Variants in ABCA13 observed in about 807,000 individuals in gnomAD.
ABCA13 encodes ATP binding cassette subfamily A member 13.
In ABCA13, 476 loss-of-function variants were observed where a neutral mutation model predicts 478.7. The ratio of observed to expected loss-of-function variants is 0.99; its 90% CI spans 0.92 to 1.07. The LOEUF is 1.07. ABCA13 is among the 50% of genes least tolerant of loss of function. ABCA13 has a pLI of 0.00. For missense variants in ABCA13, 6,060 were observed against 5,910.6 expected, an observed-to-expected ratio of 1.03 and a Z score of -0.83; for synonymous variants, 2,252 against 2,158.9, an observed-to-expected ratio of 1.04 and a Z score of -1.20.
intron 43 of ABCA13, 54 bp from the exon 44 acceptor site, chr7:48,466,902 T>C (rs756606915): frequency 3.8e-6 from 6 of 1,561,414 alleles, no homozygotes; most frequent in African/African-American, 2.7e-5. Flanking sequence ...CCATTCTCTG[T>C]TGGGAGCCAC....
At chr7:48,417,431 T>C (rs960500732) in intron 41 of ABCA13, among the ~76,000 whole-genome samples, 1 of 152,296 alleles carries the variant, frequency 6.6e-6, no homozygotes, top group Middle Eastern at 3.4e-3. Context: ...ACAAGAACAT[T>C]GACACTTGCA....
chr7:48,454,223 A>G (rs1825374758), intron 42 of ABCA13, among the ~76,000 whole-genome samples: 1 of 152,172 alleles, frequency 6.6e-6, no homozygotes, highest in African/African-American at 2.4e-5. Flanking sequence ...GACGTCGTTT[A>G]AGACTGCAGT....
chr7:48,249,770 GT>G (rs1792255347), intron 15 of ABCA13, among the ~76,000 whole-genome samples: 1 of 152,178 alleles, frequency 6.6e-6, no homozygotes, highest in African/African-American at 2.4e-5. Context: ...AACACAAACT[GT>G]TTTTCTCTAT....
intron 55 of ABCA13, among the ~76,000 whole-genome samples, chr7:48,575,830 C>G (rs1788120288): frequency 6.6e-6 from 1 of 152,080 alleles, no homozygotes; most frequent in African/African-American, 2.4e-5. Context: ...TTAGATCCCT[C>G]AGAGATTTGA....
At chr7:48,336,531 C>T (rs1157701753) in intron 28 of ABCA13, among the ~76,000 whole-genome samples, 3 of 151,936 alleles carry the variant, frequency 2.0e-5, no homozygotes, top group African/African-American at 7.3e-5. Context: ...CAGATAAGGC[C>T]GAGAGGGAGT....
intron 42 of ABCA13, among the ~76,000 whole-genome samples, chr7:48,447,168 T>C (rs1824411353): frequency 6.6e-6 from 1 of 152,190 alleles, no homozygotes; most frequent in Non-Finnish European, 1.5e-5. Flanking sequence ...AATGCAGTCA[T>C]TGCCTCAAAA....
chr7:48,325,574 A>C (rs74565959), intron 27 of ABCA13, among the ~76,000 whole-genome samples: 1 of 151,962 alleles, frequency 6.6e-6, no homozygotes. Flanking sequence ...TGGCATCTGC[A>C]TTTTTTTGCT....
chr7:48,280,070 T>C (rs1310038273), intron 18 of ABCA13, 150 bp downstream of exon 18: 1 of 735,972 alleles, frequency 1.4e-6, no homozygotes, highest in East Asian at 3.2e-5. Context: ...CATAGAGCAA[T>C]TCAGGTCCAG....
At chr7:48,532,749 G>A (rs1833323150) in intron 55 of ABCA13, among the ~76,000 whole-genome samples, 1 of 151,948 alleles carries the variant, frequency 6.6e-6, no homozygotes, top group Non-Finnish European at 1.5e-5. Flanking sequence ...TATATTTCCA[G>A]GAATTTATTC....
chr7:48,261,612 T>C (rs1365406655), intron 15 of ABCA13, among the ~76,000 whole-genome samples: 1 of 152,004 alleles, frequency 6.6e-6, no homozygotes, highest in Non-Finnish European at 1.5e-5. Flanking sequence ...TTAAAGATTT[T>C]TTAAATCATA....
At chr7:48,307,001 G>A (rs529158286) in intron 23 of ABCA13, among the ~76,000 whole-genome samples, 3 of 152,196 alleles carry the variant, frequency 2.0e-5, no homozygotes, top group Admixed American at 6.5e-5. Context: ...CAGGTAGTCC[G>A]CAGATGTGAG....
intron 42 of ABCA13, among the ~76,000 whole-genome samples, chr7:48,451,787 G>A (rs1825071007): frequency 6.6e-6 from 1 of 152,166 alleles, no homozygotes; most frequent in African/African-American, 2.4e-5. Context: ...TCTCATAGGT[G>A]TTAATGTTTG....
intron 55 of ABCA13, among the ~76,000 whole-genome samples, chr7:48,548,722 T>G (rs1046298496): frequency 6.6e-6 from 1 of 151,748 alleles, no homozygotes; most frequent in Non-Finnish European, 1.5e-5. Context: ...AGACCTTATC[T>G]CCCTTTCAGC....
chr7:48,450,289 A>G (rs1364887103), intron 42 of ABCA13, among the ~76,000 whole-genome samples: 3 of 152,364 alleles, frequency 2.0e-5, no homozygotes, highest in African/African-American at 7.2e-5. Flanking sequence ...TCATAAAATC[A>G]TGCTTTATTT....
rs536901088 is a variant in ABCA13 at position 48,225,091 on chromosome 7, G to A, written c.469-2171G>A. Among the ~76,000 whole-genome samples the A allele has an allele frequency of 7.4e-4, 113 of 151,886 alleles. 1 individual carries two copies. Among genetic ancestry groups the A allele is most frequent in the African/African-American group, 2.6e-3 (107 of 41,390 alleles). ...CTCCCTAAATACTGGGATTATAGGC[G>A]TTAATCACCATGCGTGCGTGCCTGC... On this transcript the variant is annotated intron_variant, in intron 5 of 61. Transcript: ENST00000435803.
intron 44 of ABCA13, among the ~76,000 whole-genome samples, chr7:48,469,099 G>A (rs187830408): frequency 6.6e-6 from 1 of 152,262 alleles, no homozygotes; most frequent in East Asian, 1.9e-4. Flanking sequence ...TCTTGTTAAT[G>A]GTTTAGTACA....
In ABCA13 at chr7:48,259,310, A is replaced by C. The variant is rs1793843633; in HGVS notation, c.2006-9670A>C. Among the ~76,000 whole-genome samples, 3 of 152,178 alleles carry C rather than the reference A, an allele frequency of 2.0e-5. No individual in the cohort carries two copies. In the South Asian group the frequency reaches 6.2e-4, roughly 32 times the overall value. ...TGTGTTGGATGCATATATATGTAGGATAGCTAGGTCTTCTTGTTGGATTGA... is the reference window on the plus strand; with the variant it reads ...TGTGTTGGATGCATATATATGTAGGCTAGCTAGGTCTTCTTGTTGGATTGA... On this transcript the variant is annotated intron_variant, in intron 15 of 61. Coordinates refer to ENST00000435803, the MANE Select transcript of ABCA13 (RefSeq NM_152701.5).
At chr7:48,329,952 TCTATC>T (rs1211174251) in intron 27 of ABCA13, among the ~76,000 whole-genome samples, 4 of 152,010 alleles carry the variant, frequency 2.6e-5, no homozygotes, top group Admixed American at 6.5e-5. Flanking sequence ...CATCTAGCCT[TCTATC>T]CATCCATCTA....
At chr7:48,246,934 C>T (rs1791783604) in intron 13 of ABCA13, among the ~76,000 whole-genome samples, 1 of 151,804 alleles carries the variant, frequency 6.6e-6, no homozygotes, top group African/African-American at 2.4e-5. Flanking sequence ...GCTAAGCAGG[C>T]AGAAAATTAT....
Sources: gnomAD v4.1 joint callset for allele counts (sites outside exome capture counted in the v4.1 genomes callset) on GRCh38, gnomAD v4.1.1 for gene constraint, MANE v1.5 for transcripts, NCBI Gene and HGNC (gene_info 2026-07-23, HGNC 2026-07-21) for gene names.